GPC6: variants seen among roughly 807,000 people sequenced by gnomAD.
GPC6 encodes the protein glypican-6.
A neutral mutation model predicts 55.2 loss-of-function variants in GPC6; 14 were observed. The ratio of observed to expected loss-of-function variants is 0.25; its 90% CI spans 0.17 to 0.40. The LOEUF is 0.40. Ranked by LOEUF, GPC6 falls within the 10% of genes least tolerant of loss-of-function variation. The pLI is 1.00. For synonymous variants in GPC6, 278 were observed against 259.6 expected (o/e 1.07, Z -0.68); for missense variants, 641 against 708.5 (o/e 0.90, Z 1.08).
At chr13:94,209,516 G>A (rs1299060236) in intron 4 of GPC6, among the ~76,000 whole-genome samples, 1 of 152,120 alleles carries the variant, frequency 6.6e-6, no homozygotes, top group East Asian at 1.9e-4. Flanking sequence ...TAATGCTCCT[G>A]CAGAAATACG....
intron 2 of GPC6, among the ~76,000 whole-genome samples, chr13:93,721,002 T>C (rs574567770): frequency 2.6e-4 from 40 of 152,162 alleles, no homozygotes; most frequent in Admixed American, 1.8e-3. Flanking sequence ...AATTTTAGAA[T>C]AAGTGCTATG....
intron 1 of GPC6, among the ~76,000 whole-genome samples, chr13:93,402,648 C>T (rs1196319260): frequency 1.3e-5 from 2 of 152,138 alleles, no homozygotes; most frequent in Admixed American, 1.3e-4. Flanking sequence ...ATCTGGAAAG[C>T]TCCCAAAATC....
At chr13:94,026,429 AC>A (rs1406977534) in intron 3 of GPC6, among the ~76,000 whole-genome samples, 1 of 151,694 alleles carries the variant, frequency 6.6e-6, no homozygotes, top group Non-Finnish European at 1.5e-5. Flanking sequence ...GCTCAAGTCC[AC>A]CACTCTCCAA....
intron 3 of GPC6, among the ~76,000 whole-genome samples, chr13:93,857,899 A>G (rs1594530319): frequency 6.6e-6 from 1 of 151,574 alleles, no homozygotes; most frequent in Non-Finnish European, 1.5e-5. Flanking sequence ...GAGAGGAATG[A>G]TCTTTGTGGG....
chr13:93,925,296 T>C (rs994145964), intron 3 of GPC6, among the ~76,000 whole-genome samples: 1 of 152,088 alleles, frequency 6.6e-6, no homozygotes, highest in Non-Finnish European at 1.5e-5. Flanking sequence ...TTAATCCTAG[T>C]GTAGAGAAAT....
At chr13:93,423,757 C>T (rs1877016378) in intron 1 of GPC6, among the ~76,000 whole-genome samples, 1 of 151,894 alleles carries the variant, frequency 6.6e-6, no homozygotes, top group Admixed American at 6.6e-5. Flanking sequence ...CTCTTTTGAC[C>T]TTATAAAATA....
chr13:94,263,619 C>A (rs1891712980), intron 4 of GPC6, among the ~76,000 whole-genome samples: 1 of 152,198 alleles, frequency 6.6e-6, no homozygotes, highest in African/African-American at 2.4e-5. Flanking sequence ...TCATAGCAGT[C>A]ATTTTGACTT....
chr13:93,511,946 T>C (rs931297708), intron 1 of GPC6, among the ~76,000 whole-genome samples: 2 of 152,006 alleles, frequency 1.3e-5, no homozygotes, highest in African/African-American at 4.8e-5. Flanking sequence ...TGTAGCTATT[T>C]TAAATGGGAT....
chr13:93,756,790 C>T, intron 2 of GPC6, among the ~76,000 whole-genome samples: 1 of 152,050 alleles, frequency 6.6e-6, no homozygotes, highest in East Asian at 1.9e-4. Context: ...TTTCAAAGTG[C>T]TACTGATAAG....
chr13:94,078,582 A>C (rs956366870), intron 4 of GPC6, among the ~76,000 whole-genome samples: 2 of 151,982 alleles, frequency 1.3e-5, no homozygotes, highest in African/African-American at 4.8e-5. Context: ...GATGCTGCAG[A>C]CATACTAAGG....
intron 1 of GPC6, among the ~76,000 whole-genome samples, chr13:93,487,886 T>C (rs999297799): frequency 2.0e-5 from 3 of 152,234 alleles, no homozygotes; most frequent in African/African-American, 7.2e-5. Context: ...CTATCTTCTC[T>C]ACCTCATCAT....
At chr13:94,374,695 T>G (rs1471726093) in intron 6 of GPC6, among the ~76,000 whole-genome samples, 1 of 150,694 alleles carries the variant, frequency 6.6e-6, no homozygotes, top group Non-Finnish European at 1.5e-5. Flanking sequence ...TGAACTCAGC[T>G]CTGCACCAAG....
At chr13:93,690,065 T>C (rs1261994722) in intron 2 of GPC6, among the ~76,000 whole-genome samples, 2 of 152,138 alleles carry the variant, frequency 1.3e-5, no homozygotes, top group African/African-American at 4.8e-5. Context: ...CACTTGGTTT[T>C]AGGGGATGTA....
At chr13:93,299,777 G>T (rs1171449518) in intron 1 of GPC6, among the ~76,000 whole-genome samples, 3 of 152,168 alleles carry the variant, frequency 2.0e-5, no homozygotes, top group Non-Finnish European at 4.4e-5. Flanking sequence ...TCTTTTTAAA[G>T]TTATAAATTA....
chr13:94,394,133 A>C (rs1880793856), intron 7 of GPC6, among the ~76,000 whole-genome samples: 1 of 152,240 alleles, frequency 6.6e-6, no homozygotes, highest in South Asian at 2.1e-4. Context: ...ACTCACATTT[A>C]TAATATGCAG....
At chr13:93,843,240 A>C (rs1888024081) in intron 3 of GPC6, among the ~76,000 whole-genome samples, 3 of 152,104 alleles carry the variant, frequency 2.0e-5, no homozygotes. Flanking sequence ...GTTTGTTTGC[A>C]TGTGTGGGTG....
intron 1 of GPC6, among the ~76,000 whole-genome samples, chr13:93,520,577 T>C (rs1881375871): frequency 6.6e-6 from 1 of 151,966 alleles, no homozygotes; most frequent in Non-Finnish European, 1.5e-5. Context: ...TTTAAGAGTG[T>C]TGGAAAATTT....
At chr13:94,203,941 G>C (rs1166747928) in intron 4 of GPC6, among the ~76,000 whole-genome samples, 1 of 152,070 alleles carries the variant, frequency 6.6e-6, no homozygotes, top group Non-Finnish European at 1.5e-5. Context: ...TGGAACCAGA[G>C]ATGGGATGAA....
At chr13:93,647,758 G>A (rs1055129401) in intron 2 of GPC6, among the ~76,000 whole-genome samples, 15 of 152,000 alleles carry the variant, frequency 9.9e-5, no homozygotes, top group African/African-American at 3.4e-4. Context: ...ATTTCAGTTC[G>A]CTCACTGCTT....
Sources: allele counts gnomAD v4.1 joint callset (sites outside exome capture counted in the v4.1 genomes callset), GRCh38; gene constraint gnomAD v4.1.1; transcripts MANE v1.5; gene names NCBI Gene and HGNC (gene_info 2026-07-23, HGNC 2026-07-21).